GCN1: variants seen among roughly 807,000 people sequenced by gnomAD.
GCN1 encodes GCN1 activator of EIF2AK4.
A neutral mutation model predicts 288.4 loss-of-function variants in GCN1; 90 were observed. That is an observed-to-expected ratio of 0.31 (90% CI 0.26 to 0.37). The LOEUF (loss-of-function observed/expected upper bound fraction) is 0.37. Among genes scored for constraint, GCN1 ranks in the 10% least tolerant of loss-of-function variants. GCN1 has a pLI of 1.00. For synonymous variants in GCN1, 1,386 were observed against 1,420.2 expected, an observed-to-expected ratio of 0.98 and a Z score of 0.54; for missense variants, 2,586 against 3,419.9, an observed-to-expected ratio of 0.76 and a Z score of 6.08.
intron 45 of GCN1, among the ~76,000 whole-genome samples, chr12:120,139,661 C>G (rs900456759): frequency 6.6e-6 from 1 of 152,046 alleles, no homozygotes; most frequent in African/African-American, 2.4e-5. Context: ...ATGTGATGCA[C>G]CCCCATGTAT....
At chr12:120,136,369 C>G in intron 51 of GCN1, 133 bp downstream of exon 51, 1 of 677,808 alleles carries the variant, frequency 1.5e-6, no homozygotes, top group South Asian at 1.8e-5. Context: ...GTCTGAAGTC[C>G]AAGGTCTTAC....
Position 120,174,058 on chromosome 12 carries a change from T to A in GCN1, c.1192+13A>T. On this transcript the variant is annotated intron_variant, in intron 13 of 57. Coordinates refer to ENST00000300648, the MANE Select transcript of GCN1 (RefSeq NM_006836.2). ...AGTACAGAACGCATGCTCACCATGT[T>A]GCACAGAATTACCTTCCTGCTGAAG... is the stretch of plus-strand genomic sequence containing the variant. The A allele has an allele frequency of 6.7e-7, 1 of 1,483,922 alleles. No homozygotes were observed. The highest frequency in any genetic ancestry group is 2.3e-5 in the East Asian group (1 of 44,290). The allele number at this position is 1,483,922 out of a possible 1,614,324, so 91.9% of individuals were successfully genotyped here. A position where few individuals can be genotyped will look rare whatever the true frequency, so the allele number is the denominator to read the frequency against.
chr12:120,149,200 A>T (rs1877458690), intron 36 of GCN1, among the ~76,000 whole-genome samples: 1 of 152,106 alleles, frequency 6.6e-6, no homozygotes, highest in Non-Finnish European at 1.5e-5. Context: ...GCATGAAAGC[A>T]CATAAACTAT....
intron 2 of GCN1, among the ~76,000 whole-genome samples, chr12:120,188,212 T>A (rs547580821): frequency 6.6e-6 from 1 of 151,640 alleles, no homozygotes; most frequent in Non-Finnish European, 1.5e-5. Flanking sequence ...GGCAGGCGGA[T>A]AACCTGAGAT....
intron 24 of GCN1, among the ~76,000 whole-genome samples, chr12:120,159,407 T>C (rs753079364): frequency 1.1e-4 from 17 of 152,338 alleles, no homozygotes; most frequent in Middle Eastern, 3.4e-3. Context: ...CCAGCCACCC[T>C]ACCTGGTGTT....
chr12:120,170,370 T>C, intron 14 of GCN1, 49 bp from the exon 15 acceptor site: 1 of 1,547,040 alleles, frequency 6.5e-7, no homozygotes. Context: ...TCCTTGGAAA[T>C]GACAGGACTG....
intron 34 of GCN1, among the ~76,000 whole-genome samples, chr12:120,150,744 T>C (rs1433764164): frequency 2.6e-5 from 4 of 151,888 alleles, no homozygotes; most frequent in African/African-American, 7.3e-5. Context: ...GAGACCATCC[T>C]GGCTAACACG....
rs918113936 is a variant in GCN1 at position 120,155,778 on chromosome 12, GCCT to G, written c.3313-62_3313-60del. 7.4e-5 allele frequency: 116 copies of G among 1,571,250 alleles called. No homozygotes were observed. In the African/African-American group the frequency reaches 1.3e-3, roughly 18 times the overall value. ...CATCTTTCAGAAGAGCCTCTGACCT[GCCT>G]CCTCACCTCTCTCTAGGTTGTACTG... On this transcript the variant is annotated intron_variant, in intron 28 of 57. Coordinates refer to ENST00000300648, the MANE Select transcript of GCN1 (RefSeq NM_006836.2). This position sits in a 1 kb window ranked among gnomAD's most constrained non-coding sequence, Gnocchi z 4.9.
chr12:120,172,655 A>G (rs772135131), intron 14 of GCN1, among the ~76,000 whole-genome samples: 9 of 151,966 alleles, frequency 5.9e-5, no homozygotes, highest in Non-Finnish European at 1.0e-4. Flanking sequence ...GATTACAAGC[A>G]CCTGTCATCA....
intron 14 of GCN1, among the ~76,000 whole-genome samples, chr12:120,172,761 G>A (rs1878350850): frequency 1.3e-5 from 2 of 152,056 alleles, no homozygotes; most frequent in East Asian, 1.9e-4. Context: ...CAACCGCCTC[G>A]GCCTCCCAAA....
chr12:120,159,803 C>A, intron 24 of GCN1, 22 bp downstream of exon 24: 2 of 1,609,716 alleles, frequency 1.2e-6, no homozygotes, highest in Non-Finnish European at 1.7e-6. Context: ...GCCATCCCTG[C>A]AGCCAGCAAA....
Position 120,174,084 on chromosome 12 carries a change from G to T in GCN1, c.1179C>A (p.Phe393Leu). 6.3e-7 allele frequency: 1 copy of T among 1,589,118 alleles called. No individual in the cohort carries two copies. Among genetic ancestry groups the T allele is most frequent in the South Asian group, 1.1e-5 (1 of 90,578 alleles). ...GCACAGAATTACCTTCCTGCTGAAG[G>T]AACGGGATGAACAGCTCAGCCACGA... ...NGIVAELFIP[F>L]LQQEVHEGTL... The change falls in exon 13 of 58, where the codon TTC (phenylalanine) becomes TTA (leucine). Residue 393 changes from phenylalanine (F) to leucine (L), a missense_variant. Phe to Leu is a conservative substitution (Grantham distance 22). Transcript: ENST00000300648.
At chr12:120,162,767 T>C (rs1877970548) in intron 20 of GCN1, 80 bp downstream of exon 20, 2 of 1,470,696 alleles carry the variant, frequency 1.4e-6, no homozygotes, top group Non-Finnish European at 1.9e-6. Context: ...ACCTGCTTCT[T>C]TGAATCCTCT....
In GCN1 at chr12:120,156,919, C is replaced by T. The variant is rs201424442; in HGVS notation, c.3161G>A (p.Arg1054His). The change falls in exon 27 of 58, where the codon CGC (arginine) becomes CAC (histidine). Residue 1054 changes from arginine to histidine, a missense_variant. Arg to His is a conservative substitution (Grantham distance 29). Around this residue, in one of 8 missense-constraint regions of GCN1, gnomAD observed 153 missense variants for 252.0 expected, o/e 0.61. Transcript: ENST00000300648. The surrounding 1 kb of genome is among the most constrained non-coding windows in gnomAD (Gnocchi z 5.8). ...AACTGAAAACCACATCACCTGTAAGCGAGGCGAGCCCGTCCCGATCACCCA... is the reference window on the plus strand; with the variant it reads ...AACTGAAAACCACATCACCTGTAAGTGAGGCGAGCCCGTCCCGATCACCCA... ...LTWVIGTGSP[R>H]LQVLASDTLT... 1.7e-5 allele frequency: 27 copies of T among 1,607,616 alleles called. 1 individual carries two copies. Among genetic ancestry groups the T allele is most frequent in the Middle Eastern group, 1.7e-4 (1 of 6,046 alleles).
chr12:120,192,056 ACT>A (rs899769510), intron 1 of GCN1, among the ~76,000 whole-genome samples: 42 of 152,104 alleles, frequency 2.8e-4, no homozygotes, highest in African/African-American at 8.5e-4. Flanking sequence ...CATTTAATAA[ACT>A]CTGATTCTTC....
Position 120,129,445 on chromosome 12 carries a change from A to G in GCN1, c.7721T>C (p.Ile2574Thr). 6.2e-7 allele frequency: 1 copy of G among 1,614,038 alleles called. No homozygotes were observed. Among genetic ancestry groups the G allele is most frequent in the Non-Finnish European group, 8.5e-7 (1 of 1,179,952 alleles). ...SDIRLVAEKM[I>T]WWANKDPLPP... is the part of the protein sequence containing the mutation. ...CAGTGGGTCCTTATTTGCCCACCAG[A>G]TCATCTTCTCAGCCACCAGCCTGAT... Residue 2574 changes from isoleucine (I) to threonine (T), a missense_variant, in exon 57 of 58, where the codon ATC becomes ACC. Transcript: ENST00000300648.
chr12:120,178,422 G>A (rs1379382886), intron 7 of GCN1, among the ~76,000 whole-genome samples: 2 of 152,228 alleles, frequency 1.3e-5, no homozygotes, highest in East Asian at 3.9e-4. Context: ...ACCCAAGCCA[G>A]AAACAGAAGG....
chr12:120,156,860 G>C lies in GCN1; in HGVS notation c.3168+52C>G. 3.2e-6 allele frequency: 4 copies of C among 1,253,234 alleles called. No homozygotes were observed. Among genetic ancestry groups the C allele is most frequent in the Non-Finnish European group, 4.7e-6 (4 of 850,342 alleles). 77.6% of individuals were successfully genotyped at this position (1,253,234 alleles called of 1,614,324 possible). ...CTCCACCCTTTACACTGGGACTTGA[G>C]GTCTGGGTCACGAACTGAGTCACAG... is the stretch of plus-strand genomic sequence containing the variant. On this transcript the variant is annotated intron_variant, in intron 27 of 57. Transcript: ENST00000300648. The surrounding 1 kb of genome is among the most constrained non-coding windows in gnomAD (Gnocchi z 5.8).
Position 120,142,529 on chromosome 12 carries a change from C to G in GCN1, c.5807G>C (p.Ser1936Thr). 6.2e-7 allele frequency: 1 copy of G among 1,613,864 alleles called. No individual in the cohort carries two copies. The highest frequency in any genetic ancestry group is 8.5e-7 in the Non-Finnish European group (1 of 1,179,926). ...CACCGTTCTCTTATCTGCACACGTG[C>G]TGGCCAGGAAACCCAGCAGGAGCCC... ...LFGLLLGFLA[S>T]TCADKRTIAA... The change falls in exon 44 of 58, where the codon AGC becomes ACC. Residue 1936 changes from serine (S) to threonine (T), a missense_variant. Physicochemically the swap from Ser to Thr is moderately conservative, Grantham distance 58 (BLOSUM62 1). This residue lies in a region of GCN1 where 437 missense variants were observed against 570.5 expected (regional missense o/e 0.77). Coordinates refer to ENST00000300648, the MANE Select transcript of GCN1 (RefSeq NM_006836.2). This position sits in a 1 kb window ranked among gnomAD's most constrained non-coding sequence, Gnocchi z 4.9.
Sources: gnomAD v4.1 joint callset for allele counts (sites outside exome capture counted in the v4.1 genomes callset) on GRCh38, gnomAD v4.1.1 for gene constraint, gnomAD v4.1.1 regional missense constraint, Gnocchi (gnomAD v3.1) non-coding constraint, MANE v1.5 for transcripts, NCBI Gene and HGNC (gene_info 2026-07-23, HGNC 2026-07-21) for gene names.